RBFOX1: variants seen among roughly 807,000 people sequenced by gnomAD.
RBFOX1 encodes RNA binding fox-1 homolog 1.
RBFOX1 carries 8 observed loss-of-function variants against 57.7 expected under a neutral mutation model. The observed-to-expected ratio is 0.14, with a 90% CI of 0.08 to 0.25. RBFOX1 has a LOEUF of 0.25. Among genes scored for constraint, RBFOX1 ranks in the 10% least tolerant of loss-of-function variants. The pLI, the probability that RBFOX1 is intolerant of heterozygous loss-of-function variation, is 1.00. For missense variants in RBFOX1, 611 were observed against 548.5 expected (o/e 1.11, Z -1.14); for synonymous variants, 326 against 222.4 (o/e 1.47, Z -4.15).
At chr16:5,750,214 C>T (rs927673158) in intron 3 of RBFOX1, among the ~76,000 whole-genome samples, 4 of 152,188 alleles carry the variant, frequency 2.6e-5, no homozygotes, top group Admixed American at 2.0e-4. Context: ...GCTGCCCGAT[C>T]ATTCCTTTGG....
chr16:6,076,112 A>C (rs2095895686), intron 1 of RBFOX1, among the ~76,000 whole-genome samples: 1 of 152,144 alleles, frequency 6.6e-6, no homozygotes, highest in Non-Finnish European at 1.5e-5. Context: ...CAGCCTGACC[A>C]ACATGGAGAA....
Position 5,566,040 on chromosome 16 carries a change from C to T in RBFOX1, c.259-32862C>T, listed in dbSNP as rs1477857093. On this transcript the variant is annotated intron_variant, in intron 2 of 2. Transcript: ENST00000585867. ...AAACCCCTTTCTCTTGGCTTTCATTCTCTTTGCCATATGAGATGTGACTTT... is the reference window on the plus strand; with the variant it reads ...AAACCCCTTTCTCTTGGCTTTCATTTTCTTTGCCATATGAGATGTGACTTT... Among the ~76,000 whole-genome samples the T allele has an allele frequency of 2.0e-5, 3 of 152,276 alleles. No individual in the cohort carries two copies. The South Asian group carries it at 6.2e-4, about 32-fold the overall frequency.
intron 2 of RBFOX1, among the ~76,000 whole-genome samples, chr16:6,649,584 T>A (rs992165545): frequency 9.9e-5 from 15 of 152,200 alleles, no homozygotes; most frequent in African/African-American, 3.6e-4. Flanking sequence ...CCTCATCGCT[T>A]AGCTCCCACT....
At chr16:5,599,171 T>C (rs1223512064) in exon 3 of RBFOX1, 11 of 705,952 alleles carry the variant, frequency 1.6e-5, no homozygotes, top group Non-Finnish European at 2.3e-5. Context: ...CTCTGGTACA[T>C]GGTGTGAGAG....
At chr16:7,214,857 GTGTC>G (rs987346789) in intron 4 of RBFOX1, among the ~76,000 whole-genome samples, 1 of 152,058 alleles carries the variant, frequency 6.6e-6, no homozygotes, top group Non-Finnish European at 1.5e-5. Flanking sequence ...GATAGTCTGG[GTGTC>G]TGTCTCACAG....
At chr16:6,730,071 C>G (rs2068156009) in intron 3 of RBFOX1, among the ~76,000 whole-genome samples, 2 of 151,992 alleles carry the variant, frequency 1.3e-5, no homozygotes, top group African/African-American at 4.8e-5. Flanking sequence ...TTATATATTC[C>G]CAGGCTGCCT....
chr16:6,651,395 C>T (rs2098594558), intron 2 of RBFOX1, among the ~76,000 whole-genome samples: 1 of 152,204 alleles, frequency 6.6e-6, no homozygotes, highest in African/African-American at 2.4e-5. Context: ...TCCCCTTCCC[C>T]TGCTACACCC....
Position 6,373,780 on chromosome 16 carries a change from C to T in RBFOX1, c.-64+56723C>T, listed in dbSNP as rs1386280301. On this transcript the variant is annotated intron_variant, in intron 2 of 15. Transcript: ENST00000550418. ...GATAAAGGATCATTATGTGGGAAGACGGTTGTGTGGGATGTGGTCTGCATG... is the reference window on the plus strand; with the variant it reads ...GATAAAGGATCATTATGTGGGAAGATGGTTGTGTGGGATGTGGTCTGCATG... Among the ~76,000 whole-genome samples, 8 of 152,180 alleles carry T rather than the reference C, an allele frequency of 5.3e-5. No homozygotes were observed. The East Asian group carries it at 9.6e-4, about 18-fold the overall frequency.
At chr16:7,350,340 A>T (rs2097105444) in intron 4 of RBFOX1, among the ~76,000 whole-genome samples, 2 of 152,142 alleles carry the variant, frequency 1.3e-5, no homozygotes, top group South Asian at 4.1e-4. Flanking sequence ...ATGTTTGAGA[A>T]ATGACCGGAT....
intron 2 of RBFOX1, among the ~76,000 whole-genome samples, chr16:6,459,027 T>C (rs975746859): frequency 5.9e-5 from 9 of 152,200 alleles, no homozygotes; most frequent in African/African-American, 1.9e-4. Flanking sequence ...GCTTTGGAAA[T>C]TGAAGTTTTG....
At chr16:5,339,470 G>GTTTTTTTTTTTTTTTTTTGTTTTTT (rs2064983229) in intron 1 of RBFOX1, among the ~76,000 whole-genome samples, 1 of 40,854 alleles carries the variant, frequency 2.4e-5, no homozygotes, top group African/African-American at 8.2e-5. Context: ...CTTTTTCCGT[G>GTTTTTTTTTTTTTTTTTTGTTTTTT]TTTTTTTTTT....
At chr16:7,602,724 A>G (rs1293510646) in intron 9 of RBFOX1, among the ~76,000 whole-genome samples, 3 of 152,202 alleles carry the variant, frequency 2.0e-5, no homozygotes, top group Non-Finnish European at 4.4e-5. Context: ...GCTGGATTCT[A>G]GACCAAATGG....
At chr16:5,914,991 G>T (rs2058675557) in intron 4 of RBFOX1, among the ~76,000 whole-genome samples, 1 of 152,202 alleles carries the variant, frequency 6.6e-6, no homozygotes, top group South Asian at 2.1e-4. Context: ...CTATTGTGAT[G>T]TGCCATCACT....
intron 4 of RBFOX1, among the ~76,000 whole-genome samples, chr16:7,118,358 T>G (rs2066375919): frequency 6.6e-6 from 1 of 152,004 alleles, no homozygotes; most frequent in African/African-American, 2.4e-5. Context: ...ATTTTTTTCA[T>G]GTTTCTTGGC....
At chr16:5,293,951 A>G (rs1396519768) in intron 1 of RBFOX1, among the ~76,000 whole-genome samples, 1 of 152,196 alleles carries the variant, frequency 6.6e-6, no homozygotes, top group African/African-American at 2.4e-5. Context: ...AAGTACTGCC[A>G]GGAGCAATGG....
chr16:5,988,888 G>T (rs145651941), intron 4 of RBFOX1, among the ~76,000 whole-genome samples: 104 of 152,262 alleles, frequency 6.8e-4, no homozygotes, highest in Non-Finnish European at 1.3e-3. Flanking sequence ...TATATGCAGT[G>T]CAATATAGAG....
At chr16:7,496,527 C>G (rs1020755952) in intron 4 of RBFOX1, among the ~76,000 whole-genome samples, 2 of 152,108 alleles carry the variant, frequency 1.3e-5, no homozygotes, top group Admixed American at 6.5e-5. Flanking sequence ...ATGTCAGTCA[C>G]TTAGGGTGTA....
intron 1 of RBFOX1, among the ~76,000 whole-genome samples, chr16:5,289,916 C>T (rs1012693840): frequency 2.0e-4 from 31 of 152,212 alleles, no homozygotes; most frequent in Non-Finnish European, 1.0e-4. Flanking sequence ...CAGAAAGCTG[C>T]ACACAAATGC....
At chr16:6,359,893 T>G (rs921451577) in intron 2 of RBFOX1, among the ~76,000 whole-genome samples, 1 of 152,202 alleles carries the variant, frequency 6.6e-6, no homozygotes, top group African/African-American at 2.4e-5. Flanking sequence ...ATCCAGTGCC[T>G]AAAATGAACA....
Sources: gnomAD v4.1 joint callset for allele counts (sites outside exome capture counted in the v4.1 genomes callset) on GRCh38, gnomAD v4.1.1 for gene constraint, MANE v1.5 for transcripts, NCBI Gene and HGNC (gene_info 2026-07-23, HGNC 2026-07-21) for gene names.